ERG: variants seen among roughly 807,000 people sequenced by gnomAD.
ERG encodes the protein transcriptional regulator ERG.
In ERG, 9 loss-of-function variants were observed where a neutral mutation model predicts 55.3. The observed-to-expected ratio is 0.16, with a 90% CI of 0.10 to 0.28. The LOEUF is 0.28. Ranked by LOEUF, ERG falls within the 10% of genes least tolerant of loss-of-function variation. The pLI, the probability that ERG is intolerant of heterozygous loss-of-function variation, is 1.00. For missense variants in ERG, 434 were observed against 631.6 expected (o/e 0.69, Z 3.35); for synonymous variants, 223 against 237.3 (o/e 0.94, Z 0.55).
In ERG at chr21:38,382,749, C is replaced by T; in HGVS notation, c.*654G>A. On this transcript the variant is annotated 3_prime_UTR_variant, in exon 10 of 10. Coordinates refer to ENST00000288319, the MANE Select transcript of ERG (RefSeq NM_182918.4). ...CTCACTCTATACACATCCTCAGTCC[C>T]ACCTTTTAGTTCATAGTCCCGGTAA... 1 of 1,066,418 alleles carries T rather than the reference C, an allele frequency of 9.4e-7. No individual in the cohort carries two copies. The highest frequency in any genetic ancestry group is 5.0e-5 in the East Asian group (1 of 20,162). The allele number at this position is 1,066,418 out of a possible 1,614,324, so 66.1% of individuals were successfully genotyped here. A position where few individuals can be genotyped will look rare whatever the true frequency, so the allele number is the denominator to read the frequency against.
intron 1 of ERG, among the ~76,000 whole-genome samples, chr21:38,456,668 G>A (rs913142323): frequency 1.4e-4 from 21 of 152,246 alleles, no homozygotes; most frequent in Admixed American, 1.2e-3. Context: ...TTTCTTAGAC[G>A]CTGACTTACG....
At position 38,381,046 on chromosome 21, in the gene ERG, G is replaced by T. The variant is rs1987408891; in HGVS notation, c.*2357C>A. ...TACGGGCACTTTGTGGGCCTTCCCA[G>T]GCTGCTGCAAAATGATGGATGGTTG... On this transcript the variant is annotated 3_prime_UTR_variant, in exon 10 of 10. Coordinates refer to ENST00000288319, the MANE Select transcript of ERG (RefSeq NM_182918.4). 2 of 1,064,542 alleles carry T rather than the reference G, an allele frequency of 1.9e-6. No homozygotes were observed. Among genetic ancestry groups the T allele is most frequent in the Non-Finnish European group, 2.3e-6 (2 of 878,922 alleles). 65.9% of individuals were successfully genotyped at this position (1,064,542 alleles called of 1,614,324 possible). A position where few individuals can be genotyped will look rare whatever the true frequency, so the allele number is the denominator to read the frequency against.
At chr21:38,422,328 G>A (rs1421519145) in intron 3 of ERG, among the ~76,000 whole-genome samples, 2 of 152,274 alleles carry the variant, frequency 1.3e-5, no homozygotes, top group African/African-American at 4.8e-5. Flanking sequence ...AGAAATTGCT[G>A]TAAGCAGCTG....
At chr21:38,450,766 T>G (rs2058934205) in intron 1 of ERG, 1 of 379,618 alleles carries the variant, frequency 2.6e-6, no homozygotes, top group South Asian at 2.0e-5. Context: ...AATGAAAGGC[T>G]TATCCTAGGT....
At chr21:38,587,885 T>C (rs2060076022), upstream of ERG, among the ~76,000 whole-genome samples, 1 of 152,244 alleles carries the variant, frequency 6.6e-6, no homozygotes. Context: ...TAATTTGATT[T>C]ATGGTTGAGA....
At chr21:38,527,940 G>A (rs1368854994) in intron 2 of ERG, among the ~76,000 whole-genome samples, 2 of 152,190 alleles carry the variant, frequency 1.3e-5, no homozygotes, top group Non-Finnish European at 2.9e-5. Flanking sequence ...CACCCTGGGC[G>A]GCTTCCGCCA....
chr21:38,530,860 G>C (rs1179567141), intron 2 of ERG, among the ~76,000 whole-genome samples: 1 of 152,150 alleles, frequency 6.6e-6, no homozygotes, highest in Non-Finnish European at 1.5e-5. Context: ...GATGTCTAAA[G>C]AGGAAAATTC....
intron 2 of ERG, among the ~76,000 whole-genome samples, chr21:38,529,540 G>T (rs2059656910): frequency 6.6e-6 from 1 of 152,222 alleles, no homozygotes; most frequent in Non-Finnish European, 1.5e-5. Context: ...TAGGGAAGGA[G>T]TAGCCTTGGG....
intron 1 of ERG, among the ~76,000 whole-genome samples, chr21:38,481,238 T>C (rs1053935609): frequency 4.6e-5 from 7 of 152,220 alleles, no homozygotes; most frequent in Non-Finnish European, 1.0e-4. Context: ...AGATTTCTTT[T>C]AATCACATAC....
chr21:38,506,573 TATACATTTACACTGACTTTTTGGTC>T (rs1002454458), intron 2 of ERG, among the ~76,000 whole-genome samples: 31 of 152,240 alleles, frequency 2.0e-4, no homozygotes, highest in African/African-American at 7.2e-4. Flanking sequence ...ATAATCTTAT[TATACATTTACACTGACTTTTTGGTC>T]ATCCAAACAT....
chr21:38,505,797 C>T (rs935923195), intron 2 of ERG, among the ~76,000 whole-genome samples: 1 of 152,192 alleles, frequency 6.6e-6, no homozygotes, highest in Non-Finnish European at 1.5e-5. Context: ...GCATTGTTGA[C>T]TTGCCAGCTA....
intron 3 of ERG, among the ~76,000 whole-genome samples, chr21:38,421,012 G>A (rs1449302300): frequency 6.6e-6 from 1 of 152,038 alleles, no homozygotes; most frequent in African/African-American, 2.4e-5. Flanking sequence ...AGAGTGTCTG[G>A]GCAACACACC....
At chr21:38,548,387 T>G (rs2059801100) in intron 2 of ERG, among the ~76,000 whole-genome samples, 1 of 152,048 alleles carries the variant, frequency 6.6e-6, no homozygotes, top group South Asian at 2.1e-4. Context: ...TCTAAGTCAA[T>G]GTAGGCAACG....
intron 1 of ERG, among the ~76,000 whole-genome samples, chr21:38,577,828 C>T (rs1033741397): frequency 4.6e-5 from 7 of 152,152 alleles, no homozygotes; most frequent in East Asian, 3.9e-4. Context: ...TAGTTCACTC[C>T]GCACAGTTCC....
chr21:38,604,169 G>C (rs2060182346), intron 1 of ERG, among the ~76,000 whole-genome samples: 2 of 151,590 alleles, frequency 1.3e-5, no homozygotes, highest in South Asian at 4.2e-4. Flanking sequence ...CAGGAGAATG[G>C]CGTGAACCCG....
chr21:38,402,510 T>A, intron 5 of ERG, 47 bp downstream of exon 5: 1 of 1,447,384 alleles, frequency 6.9e-7, no homozygotes. Flanking sequence ...AACCTGTACG[T>A]AAGACCCTAC....
chr21:38,398,535 G>A (rs1399676620), intron 6 of ERG, among the ~76,000 whole-genome samples: 1 of 152,254 alleles, frequency 6.6e-6, no homozygotes, highest in African/African-American at 2.4e-5. Flanking sequence ...CCCAGGTCAC[G>A]CTCAAATTAT....
In ERG at chr21:38,418,281, G is replaced by GTGTATC. The variant is rs72277404; in HGVS notation, c.388+5128_388+5129insGATACA. On this transcript the variant is annotated intron_variant, in intron 3 of 9. Coordinates refer to ENST00000288319, the MANE Select transcript of ERG (RefSeq NM_182918.4). Reference sequence around the variant, plus strand: ...TTGGAACATTTGGAAGTGTGTGTGTGTGTGTGTGTGTGTGTGTGTGTCTGG... The same window carrying GTGTATC: ...TTGGAACATTTGGAAGTGTGTGTGTGTGTATCTGTGTGTGTGTGTGTGTGTGTCTGG... 1.9e-3 allele frequency among the ~76,000 whole-genome samples: 284 copies of GTGTATC among 150,788 alleles called. 1 individual carries two copies. The East Asian group carries it at 0.028, about 15-fold the overall frequency.
In ERG at chr21:38,381,859, TG is replaced by T; in HGVS notation, c.*1543del. 1.9e-6 allele frequency: 2 copies of T among 1,063,642 alleles called. No individual in the cohort carries two copies. The highest frequency in any genetic ancestry group is 9.1e-5 in the South Asian group (2 of 21,958). 65.9% of individuals were successfully genotyped at this position (1,063,642 alleles called of 1,614,324 possible). A position where few individuals can be genotyped will look rare whatever the true frequency, so the allele number is the denominator to read the frequency against. The stretch of plus-strand genomic sequence containing the variant: ...GACAGGAGGGGAGGCAAGAAGGACC[TG>T]GAGAGGCTGACGCCATTTGGGTGCC... On this transcript the variant is annotated 3_prime_UTR_variant, in exon 10 of 10. Transcript: ENST00000288319.
Sources: allele counts gnomAD v4.1 joint callset (sites outside exome capture counted in the v4.1 genomes callset), GRCh38; gene constraint gnomAD v4.1.1; transcripts MANE v1.5; gene names NCBI Gene and HGNC (gene_info 2026-07-23, HGNC 2026-07-21).